The following TIAM1 variants were observed in gnomAD, a reference collection of about 807,000 sequenced individuals.
TIAM1 encodes TIAM Rac1 associated GEF 1.
A neutral mutation model predicts 163.5 loss-of-function variants in TIAM1; 65 were observed. That is an observed-to-expected ratio of 0.40 (90% CI 0.33 to 0.49). The LOEUF is 0.49. TIAM1 is among the 20% of genes least tolerant of loss of function. TIAM1 has a pLI of 0.77. For synonymous variants in TIAM1, 833 were observed against 810.1 expected (o/e 1.03, Z -0.48); for missense variants, 1,789 against 2,044.7 (o/e 0.87, Z 2.41).
At chr21:31,453,592 C>T (rs2044961881) in intron 2 of TIAM1, among the ~76,000 whole-genome samples, 1 of 151,942 alleles carries the variant, frequency 6.6e-6, no homozygotes, top group Non-Finnish European at 1.5e-5. Context: ...ACTCGGGAGG[C>T]TGAGGCAGGA....
chr21:31,484,990 G>A (rs2046226746), intron 1 of TIAM1, among the ~76,000 whole-genome samples: 2 of 152,196 alleles, frequency 1.3e-5, no homozygotes, highest in African/African-American at 4.8e-5. Flanking sequence ...TACGAACCAG[G>A]AAGCAGGTCT....
intron 3 of TIAM1, among the ~76,000 whole-genome samples, chr21:31,270,591 T>A (rs1274297504): frequency 6.6e-6 from 1 of 152,222 alleles, no homozygotes; most frequent in Non-Finnish European, 1.5e-5. Flanking sequence ...TGGCTTCTCG[T>A]GCTTTTCTTT....
chr21:31,158,724 T>C (rs1054668469), intron 16 of TIAM1, among the ~76,000 whole-genome samples: 1 of 152,214 alleles, frequency 6.6e-6, no homozygotes, highest in African/African-American at 2.4e-5. Context: ...AGGTTTTCTT[T>C]AGAATACCTC....
At chr21:31,195,432 A>C in intron 12 of TIAM1, 127 bp from the exon 13 acceptor site, 1 of 669,762 alleles carries the variant, frequency 1.5e-6, no homozygotes, top group South Asian at 2.1e-5. Flanking sequence ...CAATCTTATC[A>C]TTAAACGAAA....
rs967670766 is a variant in TIAM1 at position 31,182,584 on chromosome 21, A to G, written c.2724T>C (p.Ser908=). 3 of 1,614,030 alleles carry G rather than the reference A, an allele frequency of 1.9e-6. No individual in the cohort carries two copies. Among genetic ancestry groups the G allele is most frequent in the Admixed American group, 1.7e-5 (1 of 59,990 alleles). ...INNRAADALN[S]SMLKDFLSQP... ...GTGAGAGGAAATCTTTGAGCATAGA[A>G]GAGTTCAGGGCGTCAGCAGCACGAT... Residue 908 remains serine (S), a synonymous_variant, in exon 15 of 28, where the codon TCT becomes TCC. Coordinates refer to ENST00000541036, the MANE Select transcript of TIAM1 (RefSeq NM_001353694.2).
At chr21:31,154,633 C>T (rs1398342907) in intron 16 of TIAM1, among the ~76,000 whole-genome samples, 2 of 152,190 alleles carry the variant, frequency 1.3e-5, no homozygotes, top group Admixed American at 6.5e-5. Context: ...ATACACTCAT[C>T]GCTTACCACA....
chr21:31,336,145 C>T (rs1307680390), intron 2 of TIAM1, among the ~76,000 whole-genome samples: 1 of 152,124 alleles, frequency 6.6e-6, no homozygotes, highest in Non-Finnish European at 1.5e-5. Flanking sequence ...AGACAGACGC[C>T]ACTGGGGAGC....
At position 31,133,434 on chromosome 21, in the gene TIAM1, C is replaced by T. The variant is rs575901080; in HGVS notation, c.3884-2486G>A. ...ATGCAGTCTCCATTTACACCAGGGA[C>T]AGGTGCTGTGGGCCCGCCTTCCTGG... On this transcript the variant is annotated intron_variant, in intron 23 of 27. Coordinates refer to ENST00000541036, the MANE Select transcript of TIAM1 (RefSeq NM_001353694.2). 2.6e-5 allele frequency among the ~76,000 whole-genome samples: 4 copies of T among 152,338 alleles called. No individual in the cohort carries two copies. The East Asian group carries it at 7.7e-4, about 29-fold the overall frequency.
At chr21:31,374,906 A>C (rs773835380) in intron 2 of TIAM1, among the ~76,000 whole-genome samples, 1 of 152,224 alleles carries the variant, frequency 6.6e-6, no homozygotes, top group African/African-American at 2.4e-5. Context: ...AAAAGATTAA[A>C]TTTCTATTTT....
In TIAM1 at chr21:31,130,238, C is replaced by A. The variant is rs557499079; in HGVS notation, c.4020G>T (p.Leu1340=). ...RFRHMIPTEA[L]QVRALASADA... is the part of the protein sequence containing the mutation. ...CTGCACTCGCCAAAGCTCGAACCTG[C>A]AGCGCTTCCGTGGGGATCATGTGTC... Residue 1340 remains leucine, a synonymous_variant, in exon 25 of 28, where the codon CTG becomes CTT. Transcript: ENST00000541036. 1.2e-6 allele frequency: 2 copies of A among 1,614,124 alleles called. No homozygotes were observed. Among genetic ancestry groups the A allele is most frequent in the Non-Finnish European group, 1.7e-6 (2 of 1,180,004 alleles).
chr21:31,278,505 G>A (rs889315041), intron 2 of TIAM1, among the ~76,000 whole-genome samples: 8 of 152,222 alleles, frequency 5.3e-5, no homozygotes, highest in Admixed American at 3.9e-4. Flanking sequence ...CCCTGGGGCT[G>A]CCCGCTGCTG....
At chr21:31,490,780 A>G (rs1237856064) in intron 1 of TIAM1, among the ~76,000 whole-genome samples, 1 of 152,190 alleles carries the variant, frequency 6.6e-6, no homozygotes, top group Non-Finnish European at 1.5e-5. Flanking sequence ...TGTTGTTGCA[A>G]TTACTGGCAG....
intron 15 of TIAM1, among the ~76,000 whole-genome samples, chr21:31,181,516 G>T (rs921755976): frequency 2.6e-5 from 4 of 151,772 alleles, no homozygotes; most frequent in African/African-American, 9.7e-5. Context: ...GGGCAGGGCA[G>T]GGGGGTCACT....
intron 2 of TIAM1, among the ~76,000 whole-genome samples, chr21:31,448,227 C>T (rs921655287): frequency 3.3e-5 from 5 of 152,282 alleles, no homozygotes; most frequent in East Asian, 1.9e-4. Flanking sequence ...GTGTAATAGG[C>T]CCCAAGAAAA....
At position 31,236,849 on chromosome 21, in the gene TIAM1, G is replaced by A. The variant is rs930389299; in HGVS notation, c.1584+8639C>T. On this transcript the variant is annotated intron_variant, in intron 6 of 27. Coordinates refer to ENST00000541036, the MANE Select transcript of TIAM1 (RefSeq NM_001353694.2). The stretch of plus-strand genomic sequence containing the variant: ...CACAGGATGCTGAGCGCCTGGGCAC[G>A]CTTACAAGTAAGAACAGGGAGAATG... Among the ~76,000 whole-genome samples, 3 of 152,290 alleles carry A rather than the reference G, an allele frequency of 2.0e-5. No homozygotes were observed. In the East Asian group the frequency reaches 5.8e-4, roughly 29 times the overall value.
intron 4 of TIAM1, among the ~76,000 whole-genome samples, chr21:31,256,227 G>T (rs966257105): frequency 6.6e-6 from 1 of 152,168 alleles, no homozygotes; most frequent in Admixed American, 6.5e-5. Context: ...CAAAGGGAGA[G>T]GTTTTCTGTG....
At chr21:31,537,386 G>A (rs937832282) in intron 1 of TIAM1, among the ~76,000 whole-genome samples, 1 of 151,926 alleles carries the variant, frequency 6.6e-6, no homozygotes, top group Non-Finnish European at 1.5e-5. Flanking sequence ...TTTGGTTGGG[G>A]GGGATGCAAA....
intron 2 of TIAM1, among the ~76,000 whole-genome samples, chr21:31,285,730 CCA>C (rs1360903521): frequency 5.9e-5 from 9 of 151,926 alleles, no homozygotes; most frequent in Non-Finnish European, 1.3e-4. Context: ...GTGTGGTGGC[CCA>C]CACCTGTAAT....
intron 22 of TIAM1, 118 bp downstream of exon 22, chr21:31,141,000 A>T: frequency 1.3e-6 from 1 of 740,810 alleles, no homozygotes; most frequent in South Asian, 2.2e-5. Context: ...AAGAAAAACA[A>T]CAGCATCCTA....
Sources: allele counts gnomAD v4.1 joint callset (sites outside exome capture counted in the v4.1 genomes callset), GRCh38; gene constraint gnomAD v4.1.1; transcripts MANE v1.5; gene names NCBI Gene and HGNC (gene_info 2026-07-23, HGNC 2026-07-21).